The following CCDC33 variants were observed in gnomAD, a reference collection of about 807,000 sequenced individuals.
CCDC33 encodes coiled-coil domain-containing protein 33.
In CCDC33, 94 loss-of-function variants were observed where a neutral mutation model predicts 91.9. That is an observed-to-expected ratio of 1.02 (90% CI 0.87 to 1.21). CCDC33 has a LOEUF of 1.21. Among genes scored for constraint, CCDC33 ranks in the 50% most tolerant of loss-of-function variants. The pLI, the probability that CCDC33 is intolerant of heterozygous loss-of-function variation, is 0.00. For missense variants in CCDC33, 940 were observed against 935.5 expected (o/e 1.00, Z -0.06); for synonymous variants, 396 against 374.5 (o/e 1.06, Z -0.66).
At chr15:74,272,288 G>A (rs916154509) in intron 6 of CCDC33, among the ~76,000 whole-genome samples, 3 of 152,136 alleles carry the variant, frequency 2.0e-5, no homozygotes, top group Non-Finnish European at 4.4e-5. Flanking sequence ...GCCGGGCGGA[G>A]TCTCCTCCCT....
exon 2 of CCDC33, chr15:74,209,505 C>G (rs540262742): frequency 6.9e-7 from 1 of 1,441,698 alleles, no homozygotes; most frequent in African/African-American, 1.4e-5. Flanking sequence ...TAAGGGGAGT[C>G]ATCACAGGGC....
intron 2 of CCDC33, among the ~76,000 whole-genome samples, chr15:74,230,400 T>C (rs1471589930): frequency 6.6e-6 from 1 of 152,194 alleles, no homozygotes; most frequent in African/African-American, 2.4e-5. Context: ...GCAGCTTCAT[T>C]GCTCACTCCT....
At chr15:74,225,172 G>A (rs1457143292) in intron 2 of CCDC33, among the ~76,000 whole-genome samples, 1 of 151,098 alleles carries the variant, frequency 6.6e-6, no homozygotes, top group Non-Finnish European at 1.5e-5. Flanking sequence ...GAATGATGTG[G>A]GGGGAGATGG....
Position 74,280,665 on chromosome 15 carries a change from C to A in CCDC33, c.890-3C>A. 1 of 1,468,916 alleles carries A rather than the reference C, an allele frequency of 6.8e-7. No homozygotes were observed. Among genetic ancestry groups the A allele is most frequent in the Non-Finnish European group, 9.0e-7 (1 of 1,105,784 alleles). 91.0% of individuals were successfully genotyped at this position (1,468,916 alleles called of 1,614,324 possible). On this transcript the variant is annotated splice_polypyrimidine_tract_variant and splice_region_variant and intron_variant, in intron 8 of 18. Coordinates refer to ENST00000398814, the MANE Select transcript of CCDC33 (RefSeq NM_025055.5). The stretch of plus-strand genomic sequence containing the variant: ...GGAGCCCTAGTTGATCCTTCCCCCA[C>A]AGTGAAAGGCAGCCAGCCGTGGACC...
chr15:74,278,600 A>T (rs568005744), intron 7 of CCDC33, among the ~76,000 whole-genome samples: 1 of 152,240 alleles, frequency 6.6e-6, no homozygotes, highest in Non-Finnish European at 1.5e-5. Context: ...GTCTCTCCTC[A>T]TTTCAGGCGT....
At chr15:74,215,459 A>G (rs2074416352), upstream of CCDC33, among the ~76,000 whole-genome samples, 1 of 152,162 alleles carries the variant, frequency 6.6e-6, no homozygotes, top group African/African-American at 2.4e-5. Context: ...GTTGCACAAC[A>G]ATGTAAATTT....
At chr15:74,242,129 T>G (rs1255828865) in intron 1 of CCDC33, among the ~76,000 whole-genome samples, 1 of 152,226 alleles carries the variant, frequency 6.6e-6, no homozygotes, top group Non-Finnish European at 1.5e-5. Flanking sequence ...CTTTTCTTTC[T>G]GTCTGCCTGA....
Position 74,236,344 on chromosome 15 carries a change from G to A in CCDC33, c.-376G>A, listed in dbSNP as rs1595909771. On this transcript the variant is annotated 5_prime_UTR_variant, in exon 1 of 19. Coordinates refer to ENST00000398814, the MANE Select transcript of CCDC33 (RefSeq NM_025055.5). The stretch of plus-strand genomic sequence containing the variant: ...AGAGCTTATTGTTTTCCAGGCCTGG[G>A]CAGAGACAGGGCCCCCCTGCCCCAT... 8.7e-6 allele frequency: 2 copies of A among 229,862 alleles called. No individual in the cohort carries two copies. Among genetic ancestry groups the A allele is most frequent in the East Asian group, 8.7e-5 (1 of 11,494 alleles). The allele number at this position is 229,862 out of a possible 1,614,324, so 14.2% of individuals were successfully genotyped here.
intron 5 of CCDC33, 70 bp from the exon 6 acceptor site, chr15:74,271,633 C>A: frequency 8.5e-7 from 1 of 1,177,548 alleles, no homozygotes; most frequent in Non-Finnish European, 1.3e-6. Context: ...GGTAGGCAGT[C>A]TGGCTGGCTG....
intron 1 of CCDC33, among the ~76,000 whole-genome samples, chr15:74,204,850 G>A (rs1595867680): frequency 1.3e-5 from 2 of 152,040 alleles, no homozygotes; most frequent in South Asian, 2.1e-4. Context: ...CAGGAGAATC[G>A]CTTGAACCCA....
chr15:74,209,477 G>A (rs573051017), exon 2 of CCDC33: 2 of 1,532,096 alleles, frequency 1.3e-6, no homozygotes, highest in Admixed American at 2.0e-5. Flanking sequence ...CAGCTGGGCT[G>A]AGGGCCCTGA....
chr15:74,211,448 T>C (rs979313093), intron 2 of CCDC33, among the ~76,000 whole-genome samples: 3 of 142,974 alleles, frequency 2.1e-5, no homozygotes, highest in African/African-American at 7.8e-5. Context: ...TTGCCCAGGC[T>C]GGAGTGCAAT....
chr15:74,280,619 G>A (rs763750553), intron 8 of CCDC33, 49 bp from the exon 9 acceptor site: 2 of 1,427,908 alleles, frequency 1.4e-6, no homozygotes, highest in Non-Finnish European at 1.8e-6. Context: ...AAAGGATGGG[G>A]CCGAGGTGGG....
In CCDC33 at chr15:74,218,841, C is replaced by T; in HGVS notation, c.655C>T (p.Pro219Ser). 8.0e-7 allele frequency: 1 copy of T among 1,246,394 alleles called. No homozygotes were observed. Among genetic ancestry groups the T allele is most frequent in the Non-Finnish European group, 1.0e-6 (1 of 966,318 alleles). 77.2% of individuals were successfully genotyped at this position (1,246,394 alleles called of 1,614,324 possible). ...AGAACTGATGTCACCATGCCCAGAG[C>T]CCCAGCTCCCCATACTGCAGGTGGG... Residue 219 changes from proline (P) to serine (S), a missense_variant, in exon 2 of 3, where the codon CCC becomes TCC. By Grantham distance (74) the Pro-to-Ser change is moderately conservative. Coordinates refer to the CCDC33 transcript ENST00000635913. This position sits in a 1 kb window ranked among gnomAD's most constrained non-coding sequence, Gnocchi z 4.8.
At chr15:74,272,195 C>A (rs1026314888) in intron 6 of CCDC33, among the ~76,000 whole-genome samples, 1 of 152,188 alleles carries the variant, frequency 6.6e-6, no homozygotes, top group Non-Finnish European at 1.5e-5. Context: ...CCCCACTCCC[C>A]CTCCCACTCT....
chr15:74,261,045 C>T (rs1199882215), intron 2 of CCDC33, among the ~76,000 whole-genome samples: 3 of 152,210 alleles, frequency 2.0e-5, no homozygotes, highest in Non-Finnish European at 2.9e-5. Flanking sequence ...CCTTGCCTAA[C>T]ATCACACAGC....
upstream of CCDC33, among the ~76,000 whole-genome samples, chr15:74,233,588 C>G (rs1032493071): frequency 6.6e-6 from 1 of 152,196 alleles, no homozygotes; most frequent in African/African-American, 2.4e-5. Flanking sequence ...CACACCCCAC[C>G]CCTTAAGGTG....
In CCDC33 at chr15:74,316,839, A is replaced by G. The variant is rs1351735245; in HGVS notation, c.1291-13350A>G. On this transcript the variant is annotated intron_variant, in intron 11 of 18. Coordinates refer to ENST00000398814, the MANE Select transcript of CCDC33 (RefSeq NM_025055.5). The surrounding 1 kb of genome is among the most constrained non-coding windows in gnomAD (Gnocchi z 4.7). ...CACTCGCAGCCTCATTTAATCCCCA[A>G]CAGCGTTATGAGATGGGCACAGTGA... Among the ~76,000 whole-genome samples the G allele has an allele frequency of 6.6e-6, 1 of 152,178 alleles. No homozygotes were observed. The highest frequency in any genetic ancestry group is 1.5e-5 in the Non-Finnish European group (1 of 68,026).
intron 1 of CCDC33, chr15:74,209,339 C>G (rs1260811602): frequency 6.6e-7 from 1 of 1,525,066 alleles, no homozygotes; most frequent in South Asian, 1.2e-5. Flanking sequence ...CTTAGAGAAG[C>G]TGAGGAACCC....
Sources: allele counts gnomAD v4.1 joint callset (sites outside exome capture counted in the v4.1 genomes callset), GRCh38; gene constraint gnomAD v4.1.1; non-coding constraint Gnocchi (gnomAD v3.1); transcripts MANE v1.5; gene names NCBI Gene and HGNC (gene_info 2026-07-23, HGNC 2026-07-21).